The following CSMD3 variants were observed in gnomAD, a reference collection of about 807,000 sequenced individuals.
CSMD3 encodes the protein CUB and sushi domain-containing protein 3.
CSMD3 carries 177 observed loss-of-function variants against 435.2 expected under a neutral mutation model. The ratio of observed to expected loss-of-function variants is 0.41; its 90% CI spans 0.36 to 0.46. The LOEUF is 0.46. CSMD3 is among the 20% of genes least tolerant of loss of function. The pLI is 0.34. For synonymous variants in CSMD3, 1,656 were observed against 1,520.5 expected, an observed-to-expected ratio of 1.09 and a Z score of -2.07; for missense variants, 4,265 against 4,504.6, an observed-to-expected ratio of 0.95 and a Z score of 1.52.
chr8:112,477,611 A>G (rs1409167082), intron 31 of CSMD3, among the ~76,000 whole-genome samples: 2 of 151,920 alleles, frequency 1.3e-5, no homozygotes, highest in African/African-American at 4.8e-5. Flanking sequence ...GCACCTCCCC[A>G]TTCTCTCTCT....
chr8:112,354,673 C>T (rs1826425699), intron 38 of CSMD3, among the ~76,000 whole-genome samples: 1 of 152,084 alleles, frequency 6.6e-6, no homozygotes, highest in South Asian at 2.1e-4. Flanking sequence ...TGGAGAACTA[C>T]AAAACACTTC....
chr8:113,351,029 T>C (rs1006565875), intron 1 of CSMD3, among the ~76,000 whole-genome samples: 3 of 152,036 alleles, frequency 2.0e-5, no homozygotes. Context: ...GAATGCATCC[T>C]GCCTTTAAAT....
At chr8:112,305,611 A>G (rs1276538794) in intron 51 of CSMD3, among the ~76,000 whole-genome samples, 1 of 152,176 alleles carries the variant, frequency 6.6e-6, no homozygotes, top group African/African-American at 2.4e-5. Context: ...AAAGTTATGG[A>G]TAATTTTTGC....
At chr8:112,459,899 T>A (rs1319747657) in intron 32 of CSMD3, among the ~76,000 whole-genome samples, 6 of 152,128 alleles carry the variant, frequency 3.9e-5, no homozygotes, top group Non-Finnish European at 8.8e-5. Context: ...CCTTGTGTTG[T>A]TCTTTTTGGC....
intron 8 of CSMD3, among the ~76,000 whole-genome samples, chr8:112,952,760 A>G (rs2083870306): frequency 1.3e-5 from 2 of 151,664 alleles, no homozygotes; most frequent in Non-Finnish European, 3.0e-5. Context: ...AATACAATGA[A>G]TAAATGCAAA....
At chr8:112,511,799 C>T (rs1395146924) in intron 28 of CSMD3, among the ~76,000 whole-genome samples, 1 of 152,148 alleles carries the variant, frequency 6.6e-6, no homozygotes, top group African/African-American at 2.4e-5. Context: ...TTCTTGGAGA[C>T]ACTCCTCTCA....
Position 112,587,261 on chromosome 8 carries a change from T to G in CSMD3, c.3716-26A>C, listed in dbSNP as rs574181418. 9 of 1,530,718 alleles carry G rather than the reference T, an allele frequency of 5.9e-6. No individual in the cohort carries two copies. In the African/African-American group the frequency reaches 1.2e-4, roughly 21 times the overall value. The allele number at this position is 1,530,718 out of a possible 1,614,324, so 94.8% of individuals were successfully genotyped here. A position where few individuals can be genotyped will look rare whatever the true frequency, so the allele number is the denominator to read the frequency against. ...CTGCAGGTAAAACAGAATATTGAAG[T>G]ACAGTTTAATAGATAGCAGTATCAT... is the stretch of plus-strand genomic sequence containing the variant. On this transcript the variant is annotated intron_variant, in intron 22 of 70. Coordinates refer to ENST00000297405, the MANE Select transcript of CSMD3 (RefSeq NM_198123.2).
intron 2 of CSMD3, among the ~76,000 whole-genome samples, chr8:113,284,886 C>T (rs1202740721): frequency 6.6e-6 from 1 of 152,158 alleles, no homozygotes; most frequent in African/African-American, 2.4e-5. Flanking sequence ...AATTGTACCA[C>T]AGTCCAGCGG....
At chr8:113,218,108 A>ATG (rs1478818972) in intron 3 of CSMD3, among the ~76,000 whole-genome samples, 1 of 149,606 alleles carries the variant, frequency 6.7e-6, no homozygotes, top group African/African-American at 2.4e-5. Context: ...CTATTCATAT[A>ATG]TATATATATA....
chr8:112,763,083 A>T (rs1443141788), intron 13 of CSMD3, among the ~76,000 whole-genome samples: 1 of 151,806 alleles, frequency 6.6e-6, no homozygotes, highest in Non-Finnish European at 1.5e-5. Flanking sequence ...TTGTGAGGTA[A>T]CATATATATT....
chr8:113,372,666 G>A (rs1243792013), intron 1 of CSMD3, among the ~76,000 whole-genome samples: 2 of 152,104 alleles, frequency 1.3e-5, no homozygotes, highest in African/African-American at 4.8e-5. Flanking sequence ...GGGCGCGGTG[G>A]CTCACGCCTG....
intron 16 of CSMD3, among the ~76,000 whole-genome samples, chr8:112,681,295 G>GCC (rs2075888123): frequency 6.6e-6 from 1 of 151,292 alleles, no homozygotes; most frequent in Non-Finnish European, 1.5e-5. Context: ...CTCGTGATCC[G>GCC]CCCGCCTTGG....
intron 16 of CSMD3, among the ~76,000 whole-genome samples, chr8:112,667,234 C>A (rs1487658960): frequency 6.6e-6 from 1 of 152,074 alleles, no homozygotes; most frequent in Admixed American, 6.6e-5. Context: ...ACTTTGAAGT[C>A]AACTTTTGCA....
At chr8:112,625,943 A>G (rs1436234014) in intron 22 of CSMD3, among the ~76,000 whole-genome samples, 1 of 152,084 alleles carries the variant, frequency 6.6e-6, no homozygotes, top group African/African-American at 2.4e-5. Context: ...TACCTGACCC[A>G]TATGTTCCTT....
intron 5 of CSMD3, among the ~76,000 whole-genome samples, chr8:113,052,637 T>C (rs879563093): frequency 6.6e-6 from 1 of 152,046 alleles, no homozygotes; most frequent in Non-Finnish European, 1.5e-5. Context: ...AATTAGCTGG[T>C]CATGATAGCT....
chr8:113,033,293 T>C (rs2087198369), intron 5 of CSMD3, among the ~76,000 whole-genome samples: 1 of 151,548 alleles, frequency 6.6e-6, no homozygotes, highest in Non-Finnish European at 1.5e-5. Context: ...ATGCCAGCCA[T>C]GAAAGCAGCC....
intron 13 of CSMD3, among the ~76,000 whole-genome samples, chr8:112,763,075 G>T (rs2077883061): frequency 6.6e-6 from 1 of 151,706 alleles, no homozygotes. Flanking sequence ...TGATAACATT[G>T]TGAGGTAACA....
intron 1 of CSMD3, among the ~76,000 whole-genome samples, chr8:113,385,286 T>C (rs1317240431): frequency 6.6e-6 from 1 of 152,026 alleles, no homozygotes; most frequent in East Asian, 1.9e-4. Context: ...TTTACCCTAA[T>C]ACCCTAATAA....
chr8:113,145,825 A>C (rs566540055), intron 4 of CSMD3, among the ~76,000 whole-genome samples: 1 of 151,650 alleles, frequency 6.6e-6, no homozygotes, highest in African/African-American at 2.4e-5. Context: ...AGATGGCAAA[A>C]ATGAGTCCCT....
Sources: allele counts gnomAD v4.1 joint callset (sites outside exome capture counted in the v4.1 genomes callset), GRCh38; gene constraint gnomAD v4.1.1; transcripts MANE v1.5; gene names NCBI Gene and HGNC (gene_info 2026-07-23, HGNC 2026-07-21).